UNC13C: variants seen among roughly 807,000 people sequenced by gnomAD.
The protein encoded by UNC13C is unc-13 homolog C, also known as protein unc-13 homolog C.
A neutral mutation model predicts 245.4 loss-of-function variants in UNC13C; 174 were observed. The ratio of observed to expected loss-of-function variants is 0.71; its 90% confidence interval spans 0.63 to 0.80. The LOEUF is 0.80. Ranked by LOEUF, UNC13C falls within the 30% of genes least tolerant of loss-of-function variation. UNC13C has a pLI of 0.00. For missense variants in UNC13C, 2,829 were observed against 2,602.9 expected (o/e 1.09, Z -1.89); for synonymous variants, 992 against 895.1 (o/e 1.11, Z -1.93).
intron 23 of UNC13C, among the ~76,000 whole-genome samples, chr15:54,507,669 ATATT>A (rs757012141): frequency 1.3e-5 from 2 of 152,198 alleles, no homozygotes; most frequent in East Asian, 3.9e-4. Context: ...GATTGAGAAA[ATATT>A]TATAAAATTC....
chr15:54,077,823 A>T (rs1898719561), intron 2 of UNC13C, among the ~76,000 whole-genome samples: 1 of 152,142 alleles, frequency 6.6e-6, no homozygotes, highest in South Asian at 2.1e-4. Context: ...TGTCACCTTT[A>T]AAAAAATTTT....
chr15:54,567,652 T>C (rs1897572313), intron 29 of UNC13C, 148 bp from the exon 30 acceptor site: 2 of 650,692 alleles, frequency 3.1e-6, no homozygotes, highest in Admixed American at 6.5e-5. Context: ...CGTTAATAAC[T>C]TAGCAATGGG....
intron 17 of UNC13C, among the ~76,000 whole-genome samples, chr15:54,345,937 A>G (rs778026292): frequency 9.2e-5 from 14 of 152,198 alleles, no homozygotes; most frequent in Non-Finnish European, 1.8e-4. Context: ...TGGAGCGGGC[A>G]TCCCTTCTCC....
chr15:54,142,942 C>A, intron 2 of UNC13C, 76 bp from the exon 3 acceptor site: 1 of 1,226,608 alleles, frequency 8.2e-7, no homozygotes, highest in Non-Finnish European at 1.2e-6. Context: ...ACACTCTGTT[C>A]ATGTATATGT....
the UNC13C span, among the ~76,000 whole-genome samples, chr15:53,855,030 C>T: frequency 6.6e-6 from 1 of 152,000 alleles, no homozygotes; most frequent in Non-Finnish European, 1.5e-5. Flanking sequence ...TAGCTGTATT[C>T]CTAGGTGTTT....
the UNC13C span, among the ~76,000 whole-genome samples, chr15:53,946,031 T>C: frequency 6.6e-6 from 1 of 152,112 alleles, no homozygotes; most frequent in African/African-American, 2.4e-5. Context: ...ATTGATTTTC[T>C]GATTTGGCTG....
intron 4 of UNC13C, among the ~76,000 whole-genome samples, chr15:54,152,324 A>T (rs1034734432): frequency 1.3e-5 from 2 of 152,182 alleles, no homozygotes; most frequent in Non-Finnish European, 1.5e-5. Flanking sequence ...TAGTTAAGAA[A>T]CCTGAAGACA....
At chr15:54,568,533 A>G (rs1040910550) in intron 30 of UNC13C, among the ~76,000 whole-genome samples, 1 of 152,094 alleles carries the variant, frequency 6.6e-6, no homozygotes, top group Non-Finnish European at 1.5e-5. Context: ...AGCTTCTAGG[A>G]TATTACTGTT....
chr15:54,217,725 T>C (rs2035084510), intron 4 of UNC13C, among the ~76,000 whole-genome samples: 1 of 151,904 alleles, frequency 6.6e-6, no homozygotes, highest in Admixed American at 6.6e-5. Flanking sequence ...TTTTCCGCAG[T>C]AGATAGATTC....
chr15:53,863,018 A>G, the UNC13C span, among the ~76,000 whole-genome samples: 11 of 152,278 alleles, frequency 7.2e-5, no homozygotes, highest in African/African-American at 2.4e-4. Flanking sequence ...TAAATCAGAT[A>G]TAGGGGAGAC....
At chr15:54,435,201 A>G (rs1304918042) in intron 19 of UNC13C, among the ~76,000 whole-genome samples, 2 of 152,122 alleles carry the variant, frequency 1.3e-5, no homozygotes, top group Non-Finnish European at 2.9e-5. Context: ...AACCAGAAAT[A>G]CCATTTGACC....
chr15:53,957,699 A>G, the UNC13C span, among the ~76,000 whole-genome samples: 1 of 152,186 alleles, frequency 6.6e-6, no homozygotes, highest in African/African-American at 2.4e-5. Flanking sequence ...TTTTTGTTCA[A>G]TATTCAATTA....
At chr15:54,358,288 C>T (rs1398005) in intron 17 of UNC13C, among the ~76,000 whole-genome samples, 71,230 of 151,850 alleles carry the variant, frequency 0.47, 17,070 homozygotes, top group East Asian at 0.73. Flanking sequence ...ATTAAAATTG[C>T]TTTGGATATT....
intron 2 of UNC13C, among the ~76,000 whole-genome samples, chr15:54,138,276 A>C (rs1184421013): frequency 1.3e-5 from 2 of 152,154 alleles, no homozygotes; most frequent in Non-Finnish European, 2.9e-5. Flanking sequence ...TGTTGGGTAG[A>C]ATATTGTGTC....
chr15:53,987,962 G>C (rs1471607508), intron 1 of UNC13C, among the ~76,000 whole-genome samples: 2 of 152,030 alleles, frequency 1.3e-5, no homozygotes, highest in Non-Finnish European at 2.9e-5. Flanking sequence ...GAGAAATGAA[G>C]TTCAGTTTCA....
chr15:54,498,697 C>A (rs1589315), intron 20 of UNC13C, among the ~76,000 whole-genome samples: 1 of 151,974 alleles, frequency 6.6e-6, no homozygotes, highest in African/African-American at 2.4e-5. Flanking sequence ...ATGTGATGAA[C>A]GGCGTACAAG....
intron 10 of UNC13C, among the ~76,000 whole-genome samples, chr15:54,274,112 C>T (rs1421274886): frequency 2.0e-5 from 3 of 152,070 alleles, no homozygotes; most frequent in East Asian, 3.9e-4. Context: ...GATGCTGAGG[C>T]TAACATCGTC....
At chr15:54,591,011 G>A (rs149967000) in intron 30 of UNC13C, among the ~76,000 whole-genome samples, 2 of 152,244 alleles carry the variant, frequency 1.3e-5, no homozygotes, top group East Asian at 3.9e-4. Context: ...AGGGATGCTG[G>A]ATTTTGTTGA....
At chr15:54,608,758 G>A (rs1899916663) in intron 30 of UNC13C, among the ~76,000 whole-genome samples, 1 of 152,096 alleles carries the variant, frequency 6.6e-6, no homozygotes, top group Non-Finnish European at 1.5e-5. Flanking sequence ...GTATCTGCTG[G>A]GAAATGAAAC....
Sources: gnomAD v4.1 joint callset for allele counts (sites outside exome capture counted in the v4.1 genomes callset) on GRCh38, gnomAD v4.1.1 for gene constraint, MANE v1.5 for transcripts, NCBI Gene and HGNC (gene_info 2026-07-23, HGNC 2026-07-21) for gene names.